CCDC57: variants seen among roughly 807,000 people sequenced by gnomAD.
The protein encoded by CCDC57 is coiled-coil domain-containing protein 57.
A neutral mutation model predicts 118.9 loss-of-function variants in CCDC57; 118 were observed. The observed-to-expected ratio is 0.99, with a 90% CI of 0.86 to 1.16. CCDC57 has a LOEUF of 1.16. CCDC57 is among the 50% of genes most tolerant of loss of function. CCDC57 has a pLI of 0.00. For synonymous variants in CCDC57, 527 were observed against 532.9 expected (o/e 0.99, Z 0.15); for missense variants, 1,300 against 1,320.7 (o/e 0.98, Z 0.24).
At chr17:82,116,594 C>T (rs2035951744) in intron 19 of CCDC57, among the ~76,000 whole-genome samples, 1 of 152,174 alleles carries the variant, frequency 6.6e-6, no homozygotes, top group Non-Finnish European at 1.5e-5. Flanking sequence ...TTCCAGAACT[C>T]CAGGGTGCAG....
chr17:82,197,295 A>C (rs1342769348), intron 4 of CCDC57, among the ~76,000 whole-genome samples: 1 of 151,946 alleles, frequency 6.6e-6, no homozygotes, highest in Non-Finnish European at 1.5e-5. Flanking sequence ...ACAGCCCCTC[A>C]TCACACGTAA....
At chr17:82,138,818 G>C (rs1284391161) in intron 16 of CCDC57, among the ~76,000 whole-genome samples, 2 of 152,222 alleles carry the variant, frequency 1.3e-5, no homozygotes, top group African/African-American at 4.8e-5. Context: ...CTCTTCATTA[G>C]AGTCCCGAAG....
chr17:82,155,291 TC>T (rs1399679612), intron 15 of CCDC57: 1 of 152,268 alleles, frequency 6.6e-6, no homozygotes. Context: ...GGCGCGCCGT[TC>T]CTGTCGCGTT....
intron 16 of CCDC57, among the ~76,000 whole-genome samples, chr17:82,147,140 G>A (rs1440996114): frequency 6.6e-6 from 1 of 152,156 alleles, no homozygotes; most frequent in African/African-American, 2.4e-5. Context: ...TGGATGGATG[G>A]GTGGATGGGT....
intron 9 of CCDC57, among the ~76,000 whole-genome samples, chr17:82,181,278 C>T (rs867192551): frequency 1.3e-5 from 2 of 152,218 alleles, no homozygotes; most frequent in Non-Finnish European, 1.5e-5. Flanking sequence ...GCTCCACGTG[C>T]GCTGATTCCC....
At chr17:82,169,091 G>A (rs987728002) in intron 13 of CCDC57, among the ~76,000 whole-genome samples, 1 of 152,060 alleles carries the variant, frequency 6.6e-6, no homozygotes, top group African/African-American at 2.4e-5. Context: ...AACAATATCA[G>A]CATTGGAAAA....
intron 1 of CCDC57, among the ~76,000 whole-genome samples, chr17:82,211,721 C>T (rs957718859): frequency 9.9e-5 from 15 of 152,094 alleles, no homozygotes; most frequent in African/African-American, 2.9e-4. Context: ...TTGGTTTCTT[C>T]GCTTGCAGCC....
intron 16 of CCDC57, among the ~76,000 whole-genome samples, chr17:82,139,724 G>A (rs979832990): frequency 3.3e-5 from 5 of 151,952 alleles, no homozygotes; most frequent in African/African-American, 1.2e-4. Flanking sequence ...TCTTGAACAG[G>A]GACTGTCTCA....
At chr17:82,111,653 C>A (rs1419278411) in intron 19 of CCDC57, among the ~76,000 whole-genome samples, 1 of 152,024 alleles carries the variant, frequency 6.6e-6, no homozygotes, top group Non-Finnish European at 1.5e-5. Context: ...TTCACCCAGG[C>A]TGGAGTGCAG....
intron 19 of CCDC57, chr17:82,126,889 TGTAAGGTAAGAAG>T (rs2037511194): frequency 1.0e-6 from 1 of 985,194 alleles, no homozygotes; most frequent in Non-Finnish European, 1.2e-6. Context: ...AGACAGAAGC[TGTAAGGTAAGAAG>T]GGGACGCCCT....
At chr17:82,165,636 TG>T (rs1347326417) in intron 13 of CCDC57, among the ~76,000 whole-genome samples, 1 of 152,128 alleles carries the variant, frequency 6.6e-6, no homozygotes, top group Non-Finnish European at 1.5e-5. Context: ...GCTGGGCTTC[TG>T]GGAGAGCATG....
At chr17:82,186,037 G>A (rs542949089) in intron 8 of CCDC57, among the ~76,000 whole-genome samples, 6 of 151,920 alleles carry the variant, frequency 3.9e-5, no homozygotes, top group South Asian at 4.2e-4. Context: ...GTCTTGTTTC[G>A]TTGCCCAGGC....
intron 3 of CCDC57, among the ~76,000 whole-genome samples, chr17:82,199,321 T>C (rs2048699790): frequency 6.7e-6 from 1 of 149,000 alleles, no homozygotes; most frequent in African/African-American, 2.5e-5. Context: ...CCACTAAAAA[T>C]ACAAAAATTA....
At chr17:82,176,488 TACGTCCTC>T (rs899305858) in intron 11 of CCDC57, among the ~76,000 whole-genome samples, 1 of 152,206 alleles carries the variant, frequency 6.6e-6, no homozygotes, top group African/African-American at 2.4e-5. Flanking sequence ...TTTCTACCCC[TACGTCCTC>T]ACGCCCTCAC....
At chr17:82,183,568 C>T (rs537138405) in intron 9 of CCDC57, among the ~76,000 whole-genome samples, 1 of 152,252 alleles carries the variant, frequency 6.6e-6, no homozygotes, top group South Asian at 2.1e-4. Context: ...TCTGGCCATG[C>T]TCCCTCCAGC....
Position 82,115,549 on chromosome 17 carries a change from T to C in CCDC57, c.2899+12143A>G, listed in dbSNP as rs532821903. Among the ~76,000 whole-genome samples the C allele has an allele frequency of 6.6e-5, 10 of 152,144 alleles. 1 individual carries two copies. In the South Asian group the frequency reaches 1.5e-3, roughly 22 times the overall value. On this transcript the variant is annotated intron_variant, in intron 19 of 19. Coordinates refer to ENST00000665763, the Ensembl canonical transcript of CCDC57. ...GCTTAGGGAGGCTGACATGGGAGCA[T>C]TGCTTGAACCCAGGAGTTCAAGACC...
chr17:82,138,237 C>T (rs1182136081), intron 16 of CCDC57, among the ~76,000 whole-genome samples: 1 of 150,898 alleles, frequency 6.6e-6, no homozygotes, highest in African/African-American at 2.4e-5. Flanking sequence ...CAAGCTCCGC[C>T]TCCCGGGTTC....
chr17:82,102,492 G>A (rs1040511351), intron 19 of CCDC57, among the ~76,000 whole-genome samples: 21 of 152,244 alleles, frequency 1.4e-4, no homozygotes, highest in African/African-American at 5.1e-4. Context: ...TGTTGTAGGT[G>A]ATCTTCTTTA....
intron 7 of CCDC57, among the ~76,000 whole-genome samples, chr17:82,189,184 C>T (rs1028837386): frequency 3.9e-5 from 6 of 152,136 alleles, no homozygotes; most frequent in Admixed American, 6.6e-5. Context: ...GGGAGGACCA[C>T]CGGAGCGTGG....
Sources: allele counts gnomAD v4.1 joint callset (sites outside exome capture counted in the v4.1 genomes callset), GRCh38; gene constraint gnomAD v4.1.1; transcripts MANE v1.5; gene names NCBI Gene and HGNC (gene_info 2026-07-23, HGNC 2026-07-21).